Variants in FAM200B observed in about 807,000 individuals in gnomAD.
The protein encoded by FAM200B is zinc finger BED-type containing 11.
Under a neutral mutation model 33.1 loss-of-function variants are expected in FAM200B, and 32 were observed. That is an observed-to-expected ratio of 0.97 (90% CI 0.73 to 1.30). The LOEUF (loss-of-function observed/expected upper bound fraction) is 1.30. Among genes scored for constraint, FAM200B ranks in the 50% most tolerant of loss-of-function variants. The probability of loss-of-function intolerance (pLI) is 0.00; values close to 1 mark genes in which losing one functional copy is unlikely to be tolerated. For synonymous variants in FAM200B, 240 were observed against 264.8 expected (o/e 0.91, Z 0.91); for missense variants, 741 against 754.0 (o/e 0.98, Z 0.20).
intron 1 of FAM200B, among the ~76,000 whole-genome samples, chr4:15,683,406 G>A (rs1321397787): frequency 1.3e-5 from 2 of 152,096 alleles, no homozygotes; most frequent in African/African-American, 2.4e-5. Context: ...ATTTAGGAGG[G>A]AGAGTAAACC....
the FAM200B span, among the ~76,000 whole-genome samples, chr4:15,640,408 AAAC>A: frequency 5.3e-3 from 806 of 151,564 alleles, 4 homozygotes; most frequent in African/African-American, 0.018. Flanking sequence ...AAAAAAAAAA[AAAC>A]ATGAAAAAAT....
the FAM200B span, among the ~76,000 whole-genome samples, chr4:15,672,830 G>A: frequency 6.6e-6 from 1 of 151,904 alleles, no homozygotes; most frequent in Non-Finnish European, 1.5e-5. Context: ...TGACTCTCTT[G>A]TAATAACATT....
chr4:15,674,899 T>C, the FAM200B span, among the ~76,000 whole-genome samples: 1 of 152,182 alleles, frequency 6.6e-6, no homozygotes, highest in South Asian at 2.1e-4. Context: ...TCCGTCTGCC[T>C]CGGCCTCCCA....
rs926480773 is a variant in FAM200B at position 15,687,895 on chromosome 4, T to C, written c.918T>C (p.His306=). The C allele has an allele frequency of 3.9e-6, 6 of 1,550,836 alleles. No homozygotes were observed. The African/African-American group carries it at 6.8e-5, about 18-fold the overall frequency. Reference sequence around the variant, plus strand: ...GCACAGCAACCATGACTGGAAAACATAGCAGAGTAATTAAAAAATTACTAG... The same window carrying C: ...GCACAGCAACCATGACTGGAAAACACAGCAGAGTAATTAAAAAATTACTAG... ...SDGTATMTGK[H]SRVIKKLLEV... is the part of the protein sequence containing the mutation. The change falls in exon 2 of 2, where the codon CAT becomes CAC. Residue 306 remains histidine, a synonymous_variant. Transcript: ENST00000422728.
chr4:15,663,542 A>G, the FAM200B span, among the ~76,000 whole-genome samples: 1 of 152,204 alleles, frequency 6.6e-6, no homozygotes, highest in African/African-American at 2.4e-5. Flanking sequence ...CCTTCTGGGA[A>G]TGAGGACTTT....
At chr4:15,673,345 G>C in the FAM200B span, among the ~76,000 whole-genome samples, 1 of 152,144 alleles carries the variant, frequency 6.6e-6, no homozygotes, top group East Asian at 1.9e-4. Flanking sequence ...GGAGGCTGAG[G>C]TGGGAGGATC....
the FAM200B span, among the ~76,000 whole-genome samples, chr4:15,668,559 A>G: frequency 6.6e-6 from 1 of 152,162 alleles, no homozygotes; most frequent in Non-Finnish European, 1.5e-5. Flanking sequence ...TACAAGTCAC[A>G]TTCTAAAAAG....
chr4:15,674,689 G>A, the FAM200B span, among the ~76,000 whole-genome samples: 33 of 147,474 alleles, frequency 2.2e-4, no homozygotes, highest in African/African-American at 7.5e-4. Flanking sequence ...TCACTCTGTC[G>A]CCCAGGCTGG....
the FAM200B span, chr4:15,638,530 G>A: frequency 8.2e-6 from 13 of 1,592,834 alleles, no homozygotes; most frequent in East Asian, 4.5e-5. Flanking sequence ...TTTCATCCAC[G>A]GAATATTTAA....
In FAM200B at chr4:15,687,091, TACTG is replaced by T. The variant is rs1208182636; in HGVS notation, c.118_121del (p.Asp40ProfsTer18). 1 of 1,548,630 alleles carries T rather than the reference TACTG, an allele frequency of 6.5e-7. No individual in the cohort carries two copies. The highest frequency in any genetic ancestry group is 8.7e-7 in the Non-Finnish European group (1 of 1,145,694). On this transcript the variant is annotated frameshift_variant, in exon 2 of 2. Transcript: ENST00000422728. LOFTEE classifies it high-confidence loss of function. ...TGAATAGTGACAATATTGAGAAAAA[TACTG>T]ACTCCAATCTGCAAACTTCAACTTC... is the stretch of plus-strand genomic sequence containing the variant.
upstream of FAM200B, among the ~76,000 whole-genome samples, chr4:15,680,941 TTA>T (rs1439905341): frequency 1.1e-4 from 16 of 148,836 alleles, no homozygotes; most frequent in African/African-American, 2.0e-4. Flanking sequence ...ATATTCTCCT[TTA>T]TATGTTTTTT....
the FAM200B span, among the ~76,000 whole-genome samples, chr4:15,644,215 T>G: frequency 3.9e-4 from 60 of 152,344 alleles, no homozygotes; most frequent in Non-Finnish European, 6.6e-4. Context: ...TGATGTTTCC[T>G]CAGTAGTTTT....
the FAM200B span, among the ~76,000 whole-genome samples, chr4:15,675,698 C>T: frequency 6.6e-6 from 1 of 151,158 alleles, no homozygotes; most frequent in Non-Finnish European, 1.5e-5. Context: ...TCTCCTGCCT[C>T]AGCCTCCCAA....
At chr4:15,655,183 G>A in the FAM200B span, 2 of 1,386,068 alleles carry the variant, frequency 1.4e-6, no homozygotes, top group South Asian at 1.4e-5. Context: ...GCCCACAGCG[G>A]GAGGCTCAGC....
upstream of FAM200B, among the ~76,000 whole-genome samples, chr4:15,677,155 A>G (rs1718024402): frequency 6.6e-6 from 1 of 152,208 alleles, no homozygotes; most frequent in African/African-American, 2.4e-5. Flanking sequence ...TGGGAAGCAG[A>G]GGAAATATAT....
the FAM200B span, among the ~76,000 whole-genome samples, chr4:15,657,303 A>G: frequency 6.6e-6 from 1 of 152,246 alleles, no homozygotes; most frequent in Non-Finnish European, 1.5e-5. Flanking sequence ...AGCACTTAGA[A>G]TGATGTCTGT....
the FAM200B span, among the ~76,000 whole-genome samples, chr4:15,649,097 G>A: frequency 6.6e-6 from 1 of 151,324 alleles, no homozygotes; most frequent in Non-Finnish European, 1.5e-5. Flanking sequence ...ACAGGTTGAA[G>A]AAATAAGATT....
At position 15,689,212 on chromosome 4, in the gene FAM200B, A is replaced by G; in HGVS notation, c.*261A>G. 1 of 309,314 alleles carries G rather than the reference A, an allele frequency of 3.2e-6. No individual in the cohort carries two copies. The highest frequency in any genetic ancestry group is 6.1e-6 in the Non-Finnish European group (1 of 162,832). The allele number at this position is 309,314 out of a possible 1,614,324, so 19.2% of individuals were successfully genotyped here. ...TAGTAGAGTTTATATCCTGGCAAGGAGAAATTGACAATAAACCTAATAAAT... is the reference window on the plus strand; with the variant it reads ...TAGTAGAGTTTATATCCTGGCAAGGGGAAATTGACAATAAACCTAATAAAT... On this transcript the variant is annotated 3_prime_UTR_variant, in exon 2 of 2. Coordinates refer to ENST00000422728, the MANE Select transcript of FAM200B (RefSeq NM_001145191.2).
chr4:15,679,784 A>G (rs1281580178), upstream of FAM200B, among the ~76,000 whole-genome samples: 1 of 151,716 alleles, frequency 6.6e-6, no homozygotes, highest in Non-Finnish European at 1.5e-5. Context: ...AAAAAGCAGT[A>G]TGTCTCATTC....
Sources: allele counts gnomAD v4.1 joint callset (sites outside exome capture counted in the v4.1 genomes callset), GRCh38; gene constraint gnomAD v4.1.1; transcripts MANE v1.5; gene names NCBI Gene and HGNC (gene_info 2026-07-23, HGNC 2026-07-21).